SLC5A6: variants seen among roughly 807,000 people sequenced by gnomAD.
The protein encoded by SLC5A6 is sodium-dependent multivitamin transporter.
In SLC5A6, 31 loss-of-function variants were observed where a neutral mutation model predicts 67.9. The ratio of observed to expected loss-of-function variants is 0.46; its 90% CI spans 0.34 to 0.62. The LOEUF (loss-of-function observed/expected upper bound fraction) is 0.62. Ranked by LOEUF, SLC5A6 falls within the 20% of genes least tolerant of loss-of-function variation. The probability of loss-of-function intolerance (pLI) is 0.01; values close to 1 mark genes in which losing one functional copy is unlikely to be tolerated. For missense variants in SLC5A6, 673 were observed against 812.8 expected (o/e 0.83, Z 2.09); for synonymous variants, 343 against 331.0 (o/e 1.04, Z -0.39).
In SLC5A6 at chr2:27,202,830, T is replaced by C; in HGVS notation, c.1258A>G (p.Met420Val). The change falls in exon 12 of 17, where the codon ATG becomes GTG. Residue 420 changes from methionine (M) to valine (V), a missense_variant. Physicochemically the swap from Met to Val is conservative, Grantham distance 21 (BLOSUM62 1). Transcript: ENST00000310574. ...CLGMAYISSQ[M>V]GPVLQAAISI... ...GTTATTACCTGCAGCACAGGTCCCA[T>C]CTGGGAGGAAATATAGGCCATTCCT... The C allele has an allele frequency of 1.2e-6, 2 of 1,613,932 alleles. No homozygotes were observed. The highest frequency in any genetic ancestry group is 1.7e-6 in the Non-Finnish European group (2 of 1,179,910).
chr2:27,202,986 G>C lies in SLC5A6; in HGVS notation c.1208-106C>G. 3.9e-6 allele frequency: 6 copies of C among 1,558,014 alleles called. No individual in the cohort carries two copies. The South Asian group carries it at 7.4e-5, about 19-fold the overall frequency. ...CCAAACTACCACCTCTGTCTCTCTG[G>C]AAACAAAAGGCATATTACATCACGC... On this transcript the variant is annotated intron_variant, in intron 11 of 16. Coordinates refer to ENST00000310574, the MANE Select transcript of SLC5A6 (RefSeq NM_021095.4).
At chr2:27,212,464 C>G (rs775244461), upstream of SLC5A6, 7 of 1,563,226 alleles carry the variant, frequency 4.5e-6, no homozygotes, top group Admixed American at 3.8e-5. Context: ...TGGCGCTACC[C>G]GAGGTACAGA....
Position 27,203,414 on chromosome 2 carries a change from G to A in SLC5A6, c.1095-69C>T. 2.2e-6 allele frequency: 3 copies of A among 1,363,522 alleles called. No homozygotes were observed. The South Asian group carries it at 3.6e-5, about 17-fold the overall frequency. The allele number at this position is 1,363,522 out of a possible 1,614,324, so 84.5% of individuals were successfully genotyped here. Reference sequence around the variant, plus strand: ...GTCAGCTCTATGGGACTCTATGGAGGAAATGGTGTCCTAAAGCGGGGAGAT... The same window carrying A: ...GTCAGCTCTATGGGACTCTATGGAGAAAATGGTGTCCTAAAGCGGGGAGAT... On this transcript the variant is annotated intron_variant, in intron 10 of 16. Transcript: ENST00000310574.
intron 10 of SLC5A6, among the ~76,000 whole-genome samples, 160 bp from the exon 11 acceptor site, chr2:27,203,505 G>A (rs1398836502): frequency 1.3e-5 from 2 of 152,006 alleles, no homozygotes; most frequent in Non-Finnish European, 2.9e-5. Flanking sequence ...GGCCTGGAAG[G>A]CAAGGACACA....
chr2:27,205,045 G>A, intron 7 of SLC5A6, 114 bp from the exon 8 acceptor site: 1 of 1,259,454 alleles, frequency 7.9e-7, no homozygotes, highest in Non-Finnish European at 1.1e-6. Flanking sequence ...CTAGGGCCAA[G>A]GGGGACACTG....
At chr2:27,204,303 T>C (rs1340134051) in intron 9 of SLC5A6, among the ~76,000 whole-genome samples, 158 bp downstream of exon 9, 1 of 151,774 alleles carries the variant, frequency 6.6e-6, no homozygotes, top group Non-Finnish European at 1.5e-5. Context: ...ACCGCGATCC[T>C]CACATGCTAG....
intron 10 of SLC5A6, 69 bp downstream of exon 10, chr2:27,203,710 C>A: frequency 2.7e-5 from 32 of 1,169,858 alleles, no homozygotes; most frequent in Non-Finnish European, 4.0e-5. Flanking sequence ...TCACCCCGCT[C>A]CACCCATCAC....
intron 2 of SLC5A6, among the ~76,000 whole-genome samples, chr2:27,209,982 T>C (rs1056510048): frequency 6.6e-6 from 1 of 152,204 alleles, no homozygotes; most frequent in Non-Finnish European, 1.5e-5. Context: ...AAGTTTTTAC[T>C]GCTATGATAG....
At chr2:27,202,099 AG>A (rs766384313) in intron 12 of SLC5A6, 25 bp from the exon 13 acceptor site, 1 of 1,565,502 alleles carries the variant, frequency 6.4e-7, no homozygotes, top group Non-Finnish European at 8.8e-7. Context: ...TGAGAAGAAA[AG>A]GAAAAAGAAC....
rs202033325 is a variant in SLC5A6, at chr2:27,201,817, C to A, written c.1393G>T (p.Val465Phe). The A allele has an allele frequency of 4.5e-5, 73 of 1,614,132 alleles. No homozygotes were observed. In the Admixed American group the frequency reaches 5.5e-4, roughly 12 times the overall value. ...GAVVGLLAGLVMAFWIGIGSI... is the reference protein window; with the variant it reads ...GAVVGLLAGLFMAFWIGIGSI... The stretch of plus-strand genomic sequence containing the variant: ...CCGATGCCAATCCAGAAGGCCATGA[C>A]GAGCCCAGCCAACAGGCCCACAACA... Residue 465 changes from valine to phenylalanine, a missense_variant, in exon 14 of 17, where the codon GTC (valine) becomes TTC (phenylalanine). By Grantham distance (50) the Val-to-Phe change is conservative. Coordinates refer to ENST00000310574, the MANE Select transcript of SLC5A6 (RefSeq NM_021095.4).
rs989385076 is a variant in SLC5A6 at position 27,201,185 on chromosome 2, C to G, written c.1649-72G>C. The G allele has an allele frequency of 6.8e-6, 8 of 1,169,966 alleles. No individual in the cohort carries two copies. In the East Asian group the frequency reaches 1.2e-4, roughly 18 times the overall value. 72.5% of individuals were successfully genotyped at this position (1,169,966 alleles called of 1,614,324 possible). On this transcript the variant is annotated intron_variant, in intron 15 of 16. Transcript: ENST00000310574. ...CAGCGGGCCCCATGTCCTCCCTTGG[C>G]CCCCAGAGACCCCAGCCCCCACCCA...
In SLC5A6 at chr2:27,204,883, G is replaced by C; in HGVS notation, c.783C>G (p.Phe261Leu). 1 of 1,614,076 alleles carries C rather than the reference G, an allele frequency of 6.2e-7. No individual in the cohort carries two copies. Among genetic ancestry groups the C allele is most frequent in the Non-Finnish European group, 8.5e-7 (1 of 1,180,022 alleles). The change falls in exon 8 of 17, where the codon TTC (phenylalanine) becomes TTG (leucine). Residue 261 changes from phenylalanine (F) to leucine (L), a missense_variant. Physicochemically the swap from Phe to Leu is conservative, Grantham distance 22. Coordinates refer to ENST00000310574, the MANE Select transcript of SLC5A6 (RefSeq NM_021095.4). ...FVRHTFWTLA[F>L]GGVFMMLSLY... is the part of the protein sequence containing the mutation. ...AGGAGAGCATCATGAAGACACCCCC[G>C]AAGGCCAAGGTCCAGAAGGTGTGCC... is the stretch of plus-strand genomic sequence containing the variant.
Position 27,207,262 on chromosome 2 carries a change from T to C in SLC5A6, c.389A>G (p.Tyr130Cys), listed in dbSNP as rs1355049329. The change falls in exon 3 of 17, where the codon TAT becomes TGT. Residue 130 changes from tyrosine (Y) to cysteine (C), a missense_variant. Transcript: ENST00000310574. This position sits in a 1 kb window ranked among gnomAD's most constrained non-coding sequence, Gnocchi z 5.5. ...CTCCCTTCTGTCCCTGCTCACCTCA[T>C]AGGCACTGGTGAGATGCAGGCGGTA... Reference protein sequence around the residue: ...VFYRLHLTSAYEYLELRFNKT... With the variant: ...VFYRLHLTSACEYLELRFNKT... The C allele has an allele frequency of 2.5e-6, 4 of 1,613,662 alleles. No individual in the cohort carries two copies. The highest frequency in any genetic ancestry group is 3.4e-6 in the Non-Finnish European group (4 of 1,179,940).
chr2:27,203,081 G>T, intron 11 of SLC5A6, 152 bp downstream of exon 11: 1 of 1,496,876 alleles, frequency 6.7e-7, no homozygotes, highest in Non-Finnish European at 8.9e-7. Flanking sequence ...GCCCTGAGAT[G>T]GAAACAACCA....
intron 1 of SLC5A6, 54 bp downstream of exon 1, chr2:27,211,966 C>CCACGCCCCCTG: frequency 2.1e-6 from 1 of 475,570 alleles, no homozygotes; most frequent in East Asian, 4.0e-5. Context: ...CCCGCGGGGG[C>CCACGCCCCCTG]CCCGCCCCCT....
Position 27,207,296 on chromosome 2 carries a change from G to A in SLC5A6, c.355C>T (p.Pro119Ser). Residue 119 changes from proline to serine, a missense_variant, in exon 3 of 17, where the codon CCC (proline) becomes TCC (serine). Physicochemically the swap from Pro to Ser is moderately conservative, Grantham distance 74. Transcript: ENST00000310574. The surrounding 1 kb of genome is among the most constrained non-coding windows in gnomAD (Gnocchi z 5.5). ...GLLIPAHIFI[P>S]VFYRLHLTSA... ...GTGAGATGCAGGCGGTAGAAAACGG[G>A]GATGAAGATGTGTGCAGGTATCAGC... 3 of 1,614,004 alleles carry A rather than the reference G, an allele frequency of 1.9e-6. No individual in the cohort carries two copies. Among genetic ancestry groups the A allele is most frequent in the Non-Finnish European group, 2.5e-6 (3 of 1,180,032 alleles).
At position 27,207,399 on chromosome 2, in the gene SLC5A6, G is replaced by A. The variant is rs545873107; in HGVS notation, c.252C>T (p.Ala84=). Residue 84 remains alanine (A), a synonymous_variant, in exon 3 of 17, where the codon GCC becomes GCT. Coordinates refer to ENST00000310574, the MANE Select transcript of SLC5A6 (RefSeq NM_021095.4). The surrounding 1 kb of genome is among the most constrained non-coding windows in gnomAD (Gnocchi z 5.5). ...AGATCTCTGACGGCACACCCAGGATGGCCACGGCTGACTGGAAGGTGGCCA... is the reference window on the plus strand; with the variant it reads ...AGATCTCTGACGGCACACCCAGGATAGCCACGGCTGACTGGAAGGTGGCCA... The part of the protein sequence containing the change: ...SLLATFQSAV[A]ILGVPSEIYR... 1.7e-4 allele frequency: 272 copies of A among 1,614,152 alleles called. No homozygotes were observed. The highest frequency in any genetic ancestry group is 2.2e-4 in the Non-Finnish European group (259 of 1,180,034).
chr2:27,210,388 A>C (rs1674382264), intron 2 of SLC5A6, among the ~76,000 whole-genome samples: 3 of 151,926 alleles, frequency 2.0e-5, no homozygotes, highest in Admixed American at 2.0e-4. Context: ...TTGTTTCACT[A>C]CAACTATAAC....
Position 27,207,588 on chromosome 2 carries a change from C to G in SLC5A6, c.63G>C (p.Met21Ile). ...LSPTSGTSVG[M>I]STFSIMDYVV... ...CATAGTCCATGATGGAGAAGGTAGA[C>G]ATGCCCACGCTTGTGCCCGAGGTTG... Residue 21 changes from methionine (M) to isoleucine (I), a missense_variant, in exon 3 of 17, where the codon ATG becomes ATC. By Grantham distance (10) the Met-to-Ile change is conservative. Coordinates refer to ENST00000310574, the MANE Select transcript of SLC5A6 (RefSeq NM_021095.4). This position sits in a 1 kb window ranked among gnomAD's most constrained non-coding sequence, Gnocchi z 5.5. 1 of 1,614,250 alleles carries G rather than the reference C, an allele frequency of 6.2e-7. No individual in the cohort carries two copies. The highest frequency in any genetic ancestry group is 2.2e-5 in the East Asian group (1 of 44,886).
Sources: allele counts gnomAD v4.1 joint callset (sites outside exome capture counted in the v4.1 genomes callset), GRCh38; gene constraint gnomAD v4.1.1; non-coding constraint Gnocchi (gnomAD v3.1); transcripts MANE v1.5; gene names NCBI Gene and HGNC (gene_info 2026-07-23, HGNC 2026-07-21).